PPM1H: variants seen among roughly 807,000 people sequenced by gnomAD.
PPM1H encodes the protein protein phosphatase 1H.
Under a neutral mutation model 54.9 loss-of-function variants are expected in PPM1H, and 27 were observed. That is an observed-to-expected ratio of 0.49 (90% CI 0.36 to 0.68). PPM1H has a LOEUF of 0.68. PPM1H is among the 30% of genes least tolerant of loss of function. The pLI, the probability that PPM1H is intolerant of heterozygous loss-of-function variation, is 0.00. For synonymous variants in PPM1H, 305 were observed against 270.8 expected, an observed-to-expected ratio of 1.13 and a Z score of -1.24; for missense variants, 596 against 667.8, an observed-to-expected ratio of 0.89 and a Z score of 1.19.
intron 2 of PPM1H, among the ~76,000 whole-genome samples, chr12:62,826,385 G>T (rs1868291677): frequency 6.6e-6 from 1 of 152,162 alleles, no homozygotes; most frequent in Non-Finnish European, 1.5e-5. Flanking sequence ...GGAGGCAAAG[G>T]TTGCAGTGAG....
chr12:62,716,336 A>T (rs1286867051), intron 6 of PPM1H, among the ~76,000 whole-genome samples: 3 of 152,186 alleles, frequency 2.0e-5, no homozygotes, highest in Non-Finnish European at 4.4e-5. Flanking sequence ...CATCTGTAAA[A>T]TGTACCTAGT....
At chr12:62,722,407 A>G (rs528612641) in intron 5 of PPM1H, among the ~76,000 whole-genome samples, 1 of 152,336 alleles carries the variant, frequency 6.6e-6, no homozygotes, top group South Asian at 2.1e-4. Context: ...TGAGAACACT[A>G]CATCCTGGAG....
intron 1 of PPM1H, among the ~76,000 whole-genome samples, chr12:62,853,439 A>G (rs1869267956): frequency 6.6e-6 from 1 of 152,260 alleles, no homozygotes; most frequent in Admixed American, 6.5e-5. Flanking sequence ...TGCATAAAAT[A>G]AAATGTGAAA....
chr12:62,824,322 T>G (rs1362606113), intron 2 of PPM1H, among the ~76,000 whole-genome samples: 1 of 152,204 alleles, frequency 6.6e-6, no homozygotes, highest in Non-Finnish European at 1.5e-5. Flanking sequence ...ATGGCCATAC[T>G]GCCCAAAGTA....
At chr12:62,714,266 T>C (rs973825374) in intron 6 of PPM1H, among the ~76,000 whole-genome samples, 8 of 152,188 alleles carry the variant, frequency 5.3e-5, no homozygotes, top group African/African-American at 1.9e-4. Flanking sequence ...CACATGTGGC[T>C]AGTGGCTACT....
intron 9 of PPM1H, among the ~76,000 whole-genome samples, chr12:62,655,228 G>A (rs1322468254): frequency 2.0e-5 from 3 of 150,990 alleles, no homozygotes; most frequent in Non-Finnish European, 4.5e-5. Flanking sequence ...AAGGCCTTTT[G>A]TGTCAGCTAG....
chr12:62,909,046 T>C (rs181197258), intron 1 of PPM1H, among the ~76,000 whole-genome samples: 10 of 152,198 alleles, frequency 6.6e-5, no homozygotes, highest in Admixed American at 5.9e-4. Context: ...TCTTAAGTAT[T>C]AGAAAATGGA....
At chr12:62,712,222 A>G (rs979773475) in intron 6 of PPM1H, among the ~76,000 whole-genome samples, 6 of 152,168 alleles carry the variant, frequency 3.9e-5, no homozygotes, top group Admixed American at 1.3e-4. Context: ...TCCATCCTGG[A>G]TAATCTATTG....
At chr12:62,783,186 G>T (rs965332784) in intron 4 of PPM1H, among the ~76,000 whole-genome samples, 2 of 152,104 alleles carry the variant, frequency 1.3e-5, no homozygotes, top group African/African-American at 4.8e-5. Flanking sequence ...GAAGGAGATG[G>T]GAGCTCTCAT....
At chr12:62,916,885 G>A (rs1212624461) in intron 1 of PPM1H, among the ~76,000 whole-genome samples, 2 of 148,424 alleles carry the variant, frequency 1.3e-5, no homozygotes, top group East Asian at 2.0e-4. Flanking sequence ...GCTGTCGGTC[G>A]CTTAACATCT....
intron 4 of PPM1H, among the ~76,000 whole-genome samples, chr12:62,759,918 G>T (rs2076498035): frequency 6.6e-6 from 1 of 151,720 alleles, no homozygotes; most frequent in Non-Finnish European, 1.5e-5. Flanking sequence ...TCACTTTCCT[G>T]GGGGGCAAGC....
intron 2 of PPM1H, among the ~76,000 whole-genome samples, chr12:62,830,528 T>C (rs1007472504): frequency 6.6e-6 from 1 of 152,218 alleles, no homozygotes; most frequent in Non-Finnish European, 1.5e-5. Flanking sequence ...GTGCTGGGAT[T>C]ACAGGCGTGA....
chr12:62,818,963 G>A (rs940726171), intron 2 of PPM1H, among the ~76,000 whole-genome samples: 1 of 151,332 alleles, frequency 6.6e-6, no homozygotes, highest in African/African-American at 2.4e-5. Context: ...TGGGAATACA[G>A]GCATATGCCA....
At position 62,932,448 on chromosome 12, in the gene PPM1H, C is replaced by T. The variant is rs145827889; in HGVS notation, c.245+2044G>A. Among the ~76,000 whole-genome samples the T allele has an allele frequency of 1.5e-3, 221 of 152,046 alleles. 1 individual carries two copies. Among genetic ancestry groups the T allele is most frequent in the African/African-American group, 5.1e-3 (213 of 41,474 alleles). On this transcript the variant is annotated intron_variant, in intron 1 of 9. Transcript: ENST00000228705. The stretch of plus-strand genomic sequence containing the variant: ...TGTTTCAGTATCTTCTTTCCTACCT[C>T]TCATAACTTTCTCACCATTGCCTGC...
intron 1 of PPM1H, among the ~76,000 whole-genome samples, chr12:62,838,006 C>A (rs1868555665): frequency 6.6e-6 from 1 of 152,214 alleles, no homozygotes; most frequent in Admixed American, 6.5e-5. Context: ...CCACATGGTT[C>A]TGAACATGCT....
intron 9 of PPM1H, among the ~76,000 whole-genome samples, chr12:62,650,132 T>C (rs1163532793): frequency 6.6e-6 from 1 of 152,222 alleles, no homozygotes; most frequent in African/African-American, 2.4e-5. Flanking sequence ...AACTGCATCA[T>C]TGTTACATTA....
At chr12:62,890,972 G>A (rs922236329) in intron 1 of PPM1H, among the ~76,000 whole-genome samples, 6 of 151,796 alleles carry the variant, frequency 4.0e-5, no homozygotes, top group Admixed American at 3.9e-4. Flanking sequence ...AGCCGGGCGT[G>A]GTGGTGGGCG....
chr12:62,838,490 A>T (rs989249973), intron 1 of PPM1H, among the ~76,000 whole-genome samples: 2 of 152,142 alleles, frequency 1.3e-5, no homozygotes, highest in Non-Finnish European at 2.9e-5. Flanking sequence ...AGGACAACTT[A>T]ATTCCTAGCT....
intron 5 of PPM1H, among the ~76,000 whole-genome samples, chr12:62,726,027 T>A (rs139431839): frequency 8.5e-5 from 13 of 152,314 alleles, no homozygotes; most frequent in African/African-American, 2.9e-4. Flanking sequence ...TAAGTACTCC[T>A]TGTGTACCTG....
Sources: gnomAD v4.1 joint callset for allele counts (sites outside exome capture counted in the v4.1 genomes callset) on GRCh38, gnomAD v4.1.1 for gene constraint, MANE v1.5 for transcripts, NCBI Gene and HGNC (gene_info 2026-07-23, HGNC 2026-07-21) for gene names.